DDX46: variants seen among roughly 807,000 people sequenced by gnomAD.
DDX46 encodes the protein DEAD-box helicase 46, also known as probable ATP-dependent RNA helicase DDX46.
A neutral mutation model predicts 134.9 loss-of-function variants in DDX46; 30 were observed. The observed-to-expected ratio is 0.22, with a 90% confidence interval of 0.17 to 0.30. The LOEUF (loss-of-function observed/expected upper bound fraction) is 0.30. Among genes scored for constraint, DDX46 ranks in the 10% least tolerant of loss-of-function variants. DDX46 has a pLI of 1.00. For missense variants in DDX46, 622 were observed against 1,248.7 expected, an observed-to-expected ratio of 0.50 and a Z score of 7.56; for synonymous variants, 415 against 404.1, an observed-to-expected ratio of 1.03 and a Z score of -0.32.
chr5:134,791,982 G>C (rs1754516660), intron 13 of DDX46, among the ~76,000 whole-genome samples: 1 of 152,132 alleles, frequency 6.6e-6, no homozygotes, highest in Non-Finnish European at 1.5e-5. Context: ...GATCAGCCTA[G>C]CCTGGCCAAC....
intron 21 of DDX46, among the ~76,000 whole-genome samples, chr5:134,821,886 G>GTT (rs113121128): frequency 1.4e-5 from 2 of 144,864 alleles, no homozygotes; most frequent in Non-Finnish European, 1.5e-5. Context: ...GTATTTTTAG[G>GTT]TTTTTTTTTG....
intron 15 of DDX46, among the ~76,000 whole-genome samples, chr5:134,804,416 A>G (rs1754922912): frequency 6.6e-6 from 1 of 152,206 alleles, no homozygotes; most frequent in Non-Finnish European, 1.5e-5. Context: ...AAAGATTGGC[A>G]AAAATGTAAA....
In DDX46 at chr5:134,797,964, CA is replaced by C. The variant is rs1754716579; in HGVS notation, c.1954+1815del. ...AGTAGCTGGGATTACAGACATGCACCACCATGCCTGGCTAATTTTGTATTTT... is the reference window on the plus strand; with the variant it reads ...AGTAGCTGGGATTACAGACATGCACCCCATGCCTGGCTAATTTTGTATTTT... On this transcript the variant is annotated intron_variant, in intron 15 of 22. Transcript: ENST00000452510. Among the ~76,000 whole-genome samples, 4 of 152,216 alleles carry C rather than the reference CA, an allele frequency of 2.6e-5. No individual in the cohort carries two copies. In the South Asian group the frequency reaches 8.3e-4, roughly 32 times the overall value.
intron 16 of DDX46, 23 bp downstream of exon 16, chr5:134,807,964 T>TG: frequency 5.7e-6 from 9 of 1,572,644 alleles, no homozygotes; most frequent in Non-Finnish European, 7.8e-6. Context: ...TTTTTATAGT[T>TG]GATCTTCATT....
At chr5:134,813,531 G>A (rs1580815012) in intron 18 of DDX46, among the ~76,000 whole-genome samples, 1 of 152,212 alleles carries the variant, frequency 6.6e-6, no homozygotes, top group African/African-American at 2.4e-5. Context: ...CACAGTGAGT[G>A]ATCAAAGAGA....
chr5:134,769,657 C>T (rs1198992459), intron 3 of DDX46, among the ~76,000 whole-genome samples: 1 of 151,642 alleles, frequency 6.6e-6, no homozygotes, highest in Non-Finnish European at 1.5e-5. Flanking sequence ...TCTCCTGCCT[C>T]GGCCTCCCAC....
chr5:134,818,892 T>C lies in DDX46; in HGVS notation c.2865T>C (p.Ala955=). ...GGTGGAAAGTTACCTCTAAGGAAGC[T>C]CTGCAGAGAATCAGTGAATACTCTG... The part of the protein sequence containing the change: ...TARWKVTSKE[A]LQRISEYSEA... The change falls in exon 21 of 23, where the codon GCT becomes GCC. Residue 955 remains alanine, a synonymous_variant. Transcript: ENST00000452510. 6.2e-7 allele frequency: 1 copy of C among 1,613,698 alleles called. No individual in the cohort carries two copies. Among genetic ancestry groups the C allele is most frequent in the Non-Finnish European group, 8.5e-7 (1 of 1,179,858 alleles).
At chr5:134,798,332 G>T (rs1344702417) in intron 15 of DDX46, among the ~76,000 whole-genome samples, 3 of 151,984 alleles carry the variant, frequency 2.0e-5, no homozygotes, top group African/African-American at 7.3e-5. Flanking sequence ...TCAAGTTGCT[G>T]GGACTATAGG....
At chr5:134,764,160 T>A in intron 2 of DDX46, 68 bp downstream of exon 2, 1 of 1,475,242 alleles carries the variant, frequency 6.8e-7, no homozygotes, top group South Asian at 1.4e-5. Context: ...GCAGGCTTCT[T>A]GAAAAGTATG....
intron 21 of DDX46, among the ~76,000 whole-genome samples, chr5:134,821,541 T>G (rs1053253447): frequency 3.3e-5 from 5 of 151,184 alleles, no homozygotes; most frequent in Admixed American, 6.6e-5. Flanking sequence ...TTTTTGTTTT[T>G]TTTTTTTTTT....
intron 13 of DDX46, among the ~76,000 whole-genome samples, chr5:134,794,337 C>T (rs557490901): frequency 5.3e-5 from 8 of 152,300 alleles, no homozygotes; most frequent in Admixed American, 1.3e-4. Flanking sequence ...AGGCTTTTCT[C>T]AGGAAGTTGC....
intron 8 of DDX46, 50 bp downstream of exon 8, chr5:134,782,136 A>G (rs1025095166): frequency 3.4e-6 from 5 of 1,474,556 alleles, no homozygotes; most frequent in East Asian, 2.4e-5. Context: ...AGAAGAGGAT[A>G]CATTTCACAT....
chr5:134,819,693 A>C (rs1166973088), intron 21 of DDX46, among the ~76,000 whole-genome samples: 52 of 146,220 alleles, frequency 3.6e-4, no homozygotes, highest in Non-Finnish European at 1.5e-5. Flanking sequence ...ACCACACCTG[A>C]CTTTTTTTTT....
intron 18 of DDX46, among the ~76,000 whole-genome samples, chr5:134,815,192 T>C (rs1472005850): frequency 6.6e-6 from 1 of 152,208 alleles, no homozygotes; most frequent in African/African-American, 2.4e-5. Flanking sequence ...AAGGCGACCC[T>C]GTCTCAAAAA....
chr5:134,818,161 G>C (rs1033323465), intron 20 of DDX46, among the ~76,000 whole-genome samples: 2 of 151,680 alleles, frequency 1.3e-5, no homozygotes, highest in African/African-American at 4.8e-5. Context: ...GCTTCACCAT[G>C]TTGTTCAGTC....
rs572476862 is a variant in DDX46, at chr5:134,830,187, A to T, written c.*1481A>T. 1.5e-4 allele frequency: 22 copies of T among 151,232 alleles called. No individual in the cohort carries two copies. The highest frequency in any genetic ancestry group is 5.3e-4 in the African/African-American group (22 of 41,454). 9.4% of individuals were successfully genotyped at this position (151,232 alleles called of 1,614,324 possible). On this transcript the variant is annotated 3_prime_UTR_variant, in exon 23 of 23. Transcript: ENST00000452510. ...AAAAATAGAAAAAAAAAAAAAAAGA[A>T]AAAAAGAATGTAAAATTTTAAAAAT...
intron 16 of DDX46, 117 bp from the exon 17 acceptor site, chr5:134,811,104 C>T: frequency 2.4e-6 from 2 of 844,408 alleles, no homozygotes; most frequent in Non-Finnish European, 3.5e-6. Flanking sequence ...TTTTAAAATT[C>T]TTTAGTTAAT....
At chr5:134,821,375 C>T (rs1227407878) in intron 21 of DDX46, among the ~76,000 whole-genome samples, 1 of 151,766 alleles carries the variant, frequency 6.6e-6, no homozygotes, top group Non-Finnish European at 1.5e-5. Flanking sequence ...TGAGGTTTCA[C>T]CATGTTGGTC....
At position 134,830,004 on chromosome 5, in the gene DDX46, G is replaced by C. The variant is rs1386922397; in HGVS notation, c.*1298G>C. 6.6e-6 allele frequency: 1 copy of C among 151,434 alleles called. No homozygotes were observed. Among genetic ancestry groups the C allele is most frequent in the Non-Finnish European group, 1.5e-5 (1 of 67,970 alleles). The allele number at this position is 151,434 out of a possible 1,614,324, so 9.4% of individuals were successfully genotyped here. On this transcript the variant is annotated 3_prime_UTR_variant, in exon 23 of 23. Transcript: ENST00000452510. ...GTTCCTGAATATTCTAATTTAAATT[G>C]TTATAATTGGATTACCTAATATTCT... is the stretch of plus-strand genomic sequence containing the variant.
Sources: gnomAD v4.1 joint callset for allele counts (sites outside exome capture counted in the v4.1 genomes callset) on GRCh38, gnomAD v4.1.1 for gene constraint, MANE v1.5 for transcripts, NCBI Gene and HGNC (gene_info 2026-07-23, HGNC 2026-07-21) for gene names.